The following TBXAS1 variants were observed in gnomAD, a reference collection of about 807,000 sequenced individuals.
TBXAS1 encodes thromboxane A synthase 1.
TBXAS1 carries 48 observed loss-of-function variants against 60.7 expected under a neutral mutation model. The ratio of observed to expected loss-of-function variants is 0.79; its 90% CI spans 0.63 to 1.01. The LOEUF is 1.01. Ranked by LOEUF, TBXAS1 falls within the 50% of genes least tolerant of loss-of-function variation. The pLI is 0.00. For missense variants in TBXAS1, 685 were observed against 686.3 expected, an observed-to-expected ratio of 1.00 and a Z score of 0.02; for synonymous variants, 287 against 269.7, an observed-to-expected ratio of 1.06 and a Z score of -0.63.
chr7:139,910,464 C>T lies in TBXAS1; in HGVS notation c.237-761C>T, dbSNP rs528790100. The stretch of plus-strand genomic sequence containing the variant: ...CCAGCCCAGCCAACAAGGTGAAACG[C>T]TGTCTCTACTAAAAATACAAAACTT... On this transcript the variant is annotated intron_variant, in intron 3 of 12. Transcript: ENST00000448866. Among the ~76,000 whole-genome samples, 490 of 152,196 alleles carry T rather than the reference C, an allele frequency of 3.2e-3. 3 individuals carry two copies. Among genetic ancestry groups the T allele is most frequent in the African/African-American group, 0.011 (467 of 41,518 alleles).
At chr7:139,819,598 G>C (rs1255820086) in intron 4 of TBXAS1, among the ~76,000 whole-genome samples, 3 of 152,250 alleles carry the variant, frequency 2.0e-5, no homozygotes, top group South Asian at 2.1e-4. Context: ...CGCCTCCCAG[G>C]TTCAAGCGAT....
At chr7:139,839,177 G>C (rs1585596097) in intron 1 of TBXAS1, among the ~76,000 whole-genome samples, 2 of 152,142 alleles carry the variant, frequency 1.3e-5, no homozygotes, top group African/African-American at 4.8e-5. Flanking sequence ...CTGGGATGGG[G>C]TTGTGGGTGA....
intron 1 of TBXAS1, among the ~76,000 whole-genome samples, chr7:139,839,088 T>C (rs1799257701): frequency 6.6e-6 from 1 of 152,170 alleles, no homozygotes; most frequent in Admixed American, 6.5e-5. Flanking sequence ...GCTGGGTTCC[T>C]GTGGGGAGGA....
At chr7:139,889,957 A>G (rs937044178) in intron 3 of TBXAS1, among the ~76,000 whole-genome samples, 1 of 152,210 alleles carries the variant, frequency 6.6e-6, no homozygotes, top group African/African-American at 2.4e-5. Flanking sequence ...AGGAAGCTGC[A>G]TTAGGAAGGA....
At chr7:139,922,763 G>T (rs1806579842) in intron 4 of TBXAS1, among the ~76,000 whole-genome samples, 1 of 152,088 alleles carries the variant, frequency 6.6e-6, no homozygotes, top group Non-Finnish European at 1.5e-5. Context: ...TCACTATTGG[G>T]ACTATGATCT....
Position 139,829,291 on chromosome 7 carries a change from T to A in TBXAS1, c.-100T>A. On this transcript the variant is annotated 5_prime_UTR_variant, in exon 1 of 13. Coordinates refer to ENST00000448866, the MANE Select transcript of TBXAS1 (RefSeq NM_001061.7). ...TCCATGTGATGTTTGCTTGGTTGCC[T>A]GTTCCCTTTTCTACCTGCAGAGCAC... The A allele has an allele frequency of 9.3e-7, 1 of 1,076,568 alleles. No individual in the cohort carries two copies. Among genetic ancestry groups the A allele is most frequent in the Non-Finnish European group, 1.4e-6 (1 of 714,278 alleles). 66.7% of individuals were successfully genotyped at this position (1,076,568 alleles called of 1,614,324 possible). A position where few individuals can be genotyped will look rare whatever the true frequency, so the allele number is the denominator to read the frequency against.
chr7:139,936,748 C>T (rs1807828053), intron 5 of TBXAS1, among the ~76,000 whole-genome samples: 2 of 152,222 alleles, frequency 1.3e-5, no homozygotes, highest in Admixed American at 6.5e-5. Context: ...TTCGTTGTTA[C>T]TGGACAATGA....
chr7:140,018,276 C>G (rs1273801156), intron 12 of TBXAS1, among the ~76,000 whole-genome samples: 1 of 152,134 alleles, frequency 6.6e-6, no homozygotes, highest in Non-Finnish European at 1.5e-5. Context: ...GGGACACTTC[C>G]TCTGGCTCCT....
chr7:139,876,352 G>A (rs1019271837), intron 3 of TBXAS1, among the ~76,000 whole-genome samples: 37 of 152,192 alleles, frequency 2.4e-4, no homozygotes, highest in African/African-American at 8.4e-4. Context: ...AGATTTAACA[G>A]GCTTGAATTG....
intron 1 of TBXAS1, among the ~76,000 whole-genome samples, chr7:139,837,023 G>C (rs1212980933): frequency 1.3e-5 from 2 of 152,108 alleles, no homozygotes; most frequent in African/African-American, 4.8e-5. Context: ...GTTCTCAAAA[G>C]AAGATATATA....
chr7:139,838,720 C>A (rs61286384), intron 1 of TBXAS1, among the ~76,000 whole-genome samples: 7,105 of 152,208 alleles, frequency 0.047, 422 homozygotes, highest in African/African-American at 0.14. Context: ...TGATCGTTTT[C>A]CCGAAACCGC....
At chr7:139,908,245 G>A (rs191271476) in intron 3 of TBXAS1, among the ~76,000 whole-genome samples, 14 of 151,886 alleles carry the variant, frequency 9.2e-5, no homozygotes, top group Admixed American at 7.9e-4. Context: ...GAGCATAGAC[G>A]ATTCATTTAA....
chr7:139,967,319 A>T (rs1810866715), intron 9 of TBXAS1, among the ~76,000 whole-genome samples: 1 of 152,272 alleles, frequency 6.6e-6, no homozygotes, highest in Non-Finnish European at 1.5e-5. Flanking sequence ...CTGCATGAGC[A>T]GATGGCCAAG....
At chr7:139,891,034 G>A (rs1251058505) in intron 3 of TBXAS1, among the ~76,000 whole-genome samples, 1 of 151,878 alleles carries the variant, frequency 6.6e-6, no homozygotes, top group African/African-American at 2.4e-5. Context: ...TCAAGGTCCA[G>A]CACAGAGTTC....
chr7:140,006,923 T>G (rs977687760), intron 9 of TBXAS1, among the ~76,000 whole-genome samples, 168 bp from the exon 10 acceptor site: 3 of 152,202 alleles, frequency 2.0e-5, no homozygotes, highest in African/African-American at 7.2e-5. Context: ...ATAGAACCAC[T>G]GAGCGCCAAT....
At chr7:139,843,455 G>A (rs574897201) in intron 1 of TBXAS1, among the ~76,000 whole-genome samples, 2 of 152,064 alleles carry the variant, frequency 1.3e-5, no homozygotes, top group Admixed American at 6.5e-5. Flanking sequence ...TGATTCTCCT[G>A]CCTCAGCCTC....
Position 139,884,836 on chromosome 7 carries a change from G to A in TBXAS1, c.236+9199G>A, listed in dbSNP as rs1802958869. 2.0e-5 allele frequency among the ~76,000 whole-genome samples: 3 copies of A among 152,218 alleles called. No homozygotes were observed. In the South Asian group the frequency reaches 6.2e-4, roughly 32 times the overall value. ...GGTAGTACAGCAGGGTCTCAGCGGT[G>A]AGGGCTCTGAGGATGAACCAGGAAT... On this transcript the variant is annotated intron_variant, in intron 3 of 12. Transcript: ENST00000448866.
chr7:139,840,253 C>T (rs950245355), intron 1 of TBXAS1, among the ~76,000 whole-genome samples: 2 of 152,084 alleles, frequency 1.3e-5, no homozygotes, highest in Non-Finnish European at 2.9e-5. Flanking sequence ...ATATGGGAGC[C>T]AAGATGAGAA....
At chr7:139,824,829 C>CTTTTCTTTTTTTTT (rs1401847052), upstream of TBXAS1, among the ~76,000 whole-genome samples, 2 of 38,862 alleles carry the variant, frequency 5.1e-5, 1 homozygote. Flanking sequence ...TTTTCCTTTT[C>CTTTTCTTTTTTTTT]TTTTTTTTTT....
Sources: gnomAD v4.1 joint callset for allele counts (sites outside exome capture counted in the v4.1 genomes callset) on GRCh38, gnomAD v4.1.1 for gene constraint, MANE v1.5 for transcripts, NCBI Gene and HGNC (gene_info 2026-07-23, HGNC 2026-07-21) for gene names.